The following ETV1 variants were observed in gnomAD, a reference collection of about 807,000 sequenced individuals.
ETV1 encodes ETS translocation variant 1.
In ETV1, 27 loss-of-function variants were observed where a neutral mutation model predicts 62.3. That is an observed-to-expected ratio of 0.43 (90% CI 0.32 to 0.60). The LOEUF is 0.60. ETV1 is among the 20% of genes least tolerant of loss of function. The pLI, the probability that ETV1 is intolerant of heterozygous loss-of-function variation, is 0.06. For synonymous variants in ETV1, 222 were observed against 199.6 expected (o/e 1.11, Z -0.94); for missense variants, 605 against 605.8 (o/e 1.00, Z 0.01).
chr7:13,927,892 C>G (rs1385811257), intron 9 of ETV1, among the ~76,000 whole-genome samples: 1 of 152,088 alleles, frequency 6.6e-6, no homozygotes, highest in African/African-American at 2.4e-5. Context: ...GAAATTAGAA[C>G]TCAAAGGTGG....
intron 5 of ETV1, among the ~76,000 whole-genome samples, chr7:13,981,117 T>A (rs907374266): frequency 1.3e-5 from 2 of 151,934 alleles, no homozygotes; most frequent in African/African-American, 4.8e-5. Flanking sequence ...AAGGAAAAAG[T>A]GGAAGAATTA....
At chr7:13,972,202 G>A (rs1780977160) in intron 6 of ETV1, among the ~76,000 whole-genome samples, 1 of 152,134 alleles carries the variant, frequency 6.6e-6, no homozygotes, top group African/African-American at 2.4e-5. Flanking sequence ...CACTTCAGGA[G>A]GCCGACTTGA....
Position 13,939,099 on chromosome 7 carries a change from T to A in ETV1, c.365+18A>T. The A allele has an allele frequency of 6.2e-7, 1 of 1,609,756 alleles. No individual in the cohort carries two copies. The highest frequency in any genetic ancestry group is 1.1e-5 in the South Asian group (1 of 89,936). On this transcript the variant is annotated intron_variant, in intron 7 of 13. Transcript: ENST00000430479. ...AATAAGAACCACTATCCTACATACA[T>A]ACACCTGGTGGCTTTACCTGACATT...
At chr7:13,921,797 T>A (rs2128437210) in intron 9 of ETV1, among the ~76,000 whole-genome samples, 1 of 152,252 alleles carries the variant, frequency 6.6e-6, no homozygotes. Context: ...AACCCACCAT[T>A]CAGAAAAAAT....
chr7:13,970,795 A>G (rs1454625033), intron 6 of ETV1, among the ~76,000 whole-genome samples: 4 of 152,110 alleles, frequency 2.6e-5, no homozygotes, highest in Admixed American at 6.5e-5. Context: ...CACAAATGGA[A>G]TTTTTCTGAT....
At chr7:13,961,007 G>A (rs1790098542) in intron 6 of ETV1, among the ~76,000 whole-genome samples, 1 of 151,972 alleles carries the variant, frequency 6.6e-6, no homozygotes, top group Admixed American at 6.6e-5. Flanking sequence ...AAATAGCTGG[G>A]CATGGTAGCG....
intron 6 of ETV1, among the ~76,000 whole-genome samples, chr7:13,964,663 T>C (rs1364083250): frequency 6.6e-6 from 1 of 152,098 alleles, no homozygotes; most frequent in Non-Finnish European, 1.5e-5. Context: ...TGTAGCAGAA[T>C]TTAAAAATAC....
intron 5 of ETV1, among the ~76,000 whole-genome samples, chr7:13,984,568 A>G (rs942026226): frequency 6.6e-6 from 1 of 152,048 alleles, no homozygotes; most frequent in Non-Finnish European, 1.5e-5. Context: ...TTTTACTTAC[A>G]TCGTGATTAG....
At chr7:13,966,070 TCTGA>T (rs1418088919) in intron 6 of ETV1, among the ~76,000 whole-genome samples, 2 of 152,138 alleles carry the variant, frequency 1.3e-5, no homozygotes, top group Non-Finnish European at 2.9e-5. Flanking sequence ...ATTTGTTAAT[TCTGA>T]CTAAGATAAT....
chr7:13,901,631 A>C (rs1001533994), intron 12 of ETV1, among the ~76,000 whole-genome samples: 1 of 152,232 alleles, frequency 6.6e-6, no homozygotes, highest in African/African-American at 2.4e-5. Context: ...AACAAGTGAC[A>C]ATGTGTGTAG....
At chr7:13,925,797 C>A (rs1338827295) in intron 9 of ETV1, among the ~76,000 whole-genome samples, 1 of 151,948 alleles carries the variant, frequency 6.6e-6, no homozygotes, top group African/African-American at 2.4e-5. Flanking sequence ...ACCTCGTGAT[C>A]CGCCCACCTC....
At position 13,977,429 on chromosome 7, in the gene ETV1, C is replaced by T; in HGVS notation, c.233G>A (p.Ser78Asn). The stretch of plus-strand genomic sequence containing the variant: ...GAGATGAGTCATACTATACTTACAA[C>T]TTTCAGCCTGATAGTCTGGTACAAA... ...EQFVPDYQAE[S>N]LAFHGLPLKI... The change falls in exon 6 of 14, where the codon AGT (serine) becomes AAT (asparagine). Residue 78 changes from serine to asparagine, a missense_variant and splice_region_variant. Transcript: ENST00000430479. The T allele has an allele frequency of 6.5e-7, 1 of 1,536,774 alleles. No homozygotes were observed. Among genetic ancestry groups the T allele is most frequent in the Non-Finnish European group, 8.8e-7 (1 of 1,134,510 alleles).
intron 13 of ETV1, among the ~76,000 whole-genome samples, chr7:13,899,643 C>T (rs899401261): frequency 2.0e-5 from 3 of 152,078 alleles, no homozygotes; most frequent in Admixed American, 2.0e-4. Flanking sequence ...AAAACTGTAA[C>T]GTTCACAATA....
At chr7:13,953,085 A>C (rs148615176) in intron 6 of ETV1, among the ~76,000 whole-genome samples, 1 of 152,312 alleles carries the variant, frequency 6.6e-6, no homozygotes, top group Non-Finnish European at 1.5e-5. Flanking sequence ...TCCTACCCCT[A>C]CTGGTCCAGT....
chr7:13,898,921 C>T (rs1303638436), intron 13 of ETV1, among the ~76,000 whole-genome samples: 1 of 152,038 alleles, frequency 6.6e-6, no homozygotes, highest in Non-Finnish European at 1.5e-5. Context: ...ATTGCTGGAG[C>T]CCAGGAGTTC....
intron 6 of ETV1, among the ~76,000 whole-genome samples, chr7:13,940,027 G>A (rs543998136): frequency 7.9e-5 from 12 of 152,206 alleles, no homozygotes; most frequent in Middle Eastern, 3.4e-3. Flanking sequence ...AGAAAAATAC[G>A]TATATGGGGA....
intron 6 of ETV1, among the ~76,000 whole-genome samples, chr7:13,972,194 C>T (rs1023780766): frequency 2.0e-5 from 3 of 152,046 alleles, no homozygotes; most frequent in Admixed American, 6.5e-5. Flanking sequence ...AATCCTAGCA[C>T]TTCAGGAGGC....
chr7:13,942,175 C>T (rs888801600), intron 6 of ETV1, among the ~76,000 whole-genome samples: 3 of 151,810 alleles, frequency 2.0e-5, no homozygotes, highest in African/African-American at 4.8e-5. Context: ...AGGCGCCCGC[C>T]ACCACGCCCG....
chr7:13,914,773 C>G (rs1444600715), intron 9 of ETV1, among the ~76,000 whole-genome samples: 1 of 152,154 alleles, frequency 6.6e-6, no homozygotes, highest in African/African-American at 2.4e-5. Context: ...GCTAGGCACT[C>G]TCTGATTTGC....
Sources: allele counts gnomAD v4.1 joint callset (sites outside exome capture counted in the v4.1 genomes callset), GRCh38; gene constraint gnomAD v4.1.1; transcripts MANE v1.5; gene names NCBI Gene and HGNC (gene_info 2026-07-23, HGNC 2026-07-21).